The following GLT1D1 variants were observed in gnomAD, a reference collection of about 807,000 sequenced individuals.
The protein encoded by GLT1D1 is glycosyltransferase 1 domain-containing protein 1.
In GLT1D1, 21 loss-of-function variants were observed where a neutral mutation model predicts 28.7. The observed-to-expected ratio is 0.73, with a 90% CI of 0.52 to 1.05. The LOEUF is 1.05. GLT1D1 is among the 50% of genes least tolerant of loss of function. The pLI is 0.00. For missense variants in GLT1D1, 343 were observed against 330.6 expected (o/e 1.04, Z -0.29); for synonymous variants, 147 against 124.8 (o/e 1.18, Z -1.19).
At chr12:128,896,092 G>T (rs576322658) in intron 3 of GLT1D1, among the ~76,000 whole-genome samples, 13 of 152,268 alleles carry the variant, frequency 8.5e-5, no homozygotes, top group African/African-American at 2.9e-4. Context: ...GCAGTCAGGG[G>T]AGCTGCCTGG....
chr12:128,893,489 G>A (rs181914049), intron 3 of GLT1D1, among the ~76,000 whole-genome samples: 9 of 152,194 alleles, frequency 5.9e-5, no homozygotes, highest in Non-Finnish European at 1.2e-4. Context: ...ATGTGAAAGT[G>A]AGTAAATCTA....
chr12:128,930,639 G>A (rs572226665), intron 4 of GLT1D1, among the ~76,000 whole-genome samples: 1 of 152,126 alleles, frequency 6.6e-6, no homozygotes, highest in Non-Finnish European at 1.5e-5. Flanking sequence ...TCATCTGGTC[G>A]CAATGTCTGG....
chr12:128,955,335 G>A (rs1308105493), intron 6 of GLT1D1, among the ~76,000 whole-genome samples: 3 of 151,780 alleles, frequency 2.0e-5, no homozygotes, highest in African/African-American at 7.3e-5. Flanking sequence ...CTTTTCTTTT[G>A]CCAAATCATC....
intron 3 of GLT1D1, among the ~76,000 whole-genome samples, chr12:128,897,529 A>G (rs181936577): frequency 6.6e-6 from 1 of 151,852 alleles, no homozygotes; most frequent in African/African-American, 2.4e-5. Flanking sequence ...TTGTTCTCTT[A>G]TATCATTCCA....
chr12:128,877,995 G>A (rs1956914404), intron 2 of GLT1D1, among the ~76,000 whole-genome samples: 1 of 152,194 alleles, frequency 6.6e-6, no homozygotes, highest in Admixed American at 6.5e-5. Context: ...CTCACGATGT[G>A]ATGGCCAGCT....
intron 6 of GLT1D1, among the ~76,000 whole-genome samples, chr12:128,954,468 G>A (rs1877070791): frequency 6.6e-6 from 1 of 152,026 alleles, no homozygotes; most frequent in South Asian, 2.1e-4. Context: ...GCTTTATCTC[G>A]AGGTCTGGTT....
chr12:128,877,557 T>C (rs775785854), intron 2 of GLT1D1, among the ~76,000 whole-genome samples: 3 of 152,164 alleles, frequency 2.0e-5, no homozygotes, highest in Non-Finnish European at 2.9e-5. Flanking sequence ...TTTCAGGTAA[T>C]ACATGAAAAA....
intron 1 of GLT1D1, among the ~76,000 whole-genome samples, chr12:128,875,591 G>A (rs896188568): frequency 1.3e-5 from 2 of 152,188 alleles, no homozygotes; most frequent in Admixed American, 6.5e-5. Flanking sequence ...GAGGTCAAGA[G>A]TTTGAGACCA....
At chr12:128,946,999 T>C (rs1337494985) in intron 5 of GLT1D1, among the ~76,000 whole-genome samples, 1 of 152,182 alleles carries the variant, frequency 6.6e-6, no homozygotes, top group African/African-American at 2.4e-5. Flanking sequence ...TAAAGAATTA[T>C]TTGAAAAAAA....
chr12:128,858,175 G>A (rs1403263553), intron 1 of GLT1D1, among the ~76,000 whole-genome samples: 2 of 152,110 alleles, frequency 1.3e-5, no homozygotes, highest in African/African-American at 4.8e-5. Context: ...AGGGGTCTGG[G>A]AGTCATGCCC....
chr12:128,932,542 G>A (rs1874037567), intron 4 of GLT1D1, among the ~76,000 whole-genome samples: 1 of 152,264 alleles, frequency 6.6e-6, no homozygotes, highest in African/African-American at 2.4e-5. Context: ...CTTTCACGAG[G>A]CACTTTGCTG....
In GLT1D1 at chr12:128,899,180, G is replaced by C. The variant is rs1869963038; in HGVS notation, c.324-56G>C. ...ATTTGTTCCAAAGAGCTGTTTCATAGTTCTTTTAATTGAATTCTGGCCTAA... is the reference window on the plus strand; with the variant it reads ...ATTTGTTCCAAAGAGCTGTTTCATACTTCTTTTAATTGAATTCTGGCCTAA... On this transcript the variant is annotated intron_variant, in intron 3 of 7. Transcript: ENST00000281703. The C allele has an allele frequency of 6.8e-5, 90 of 1,317,346 alleles. 1 individual carries two copies. The South Asian group carries it at 9.1e-4, about 13-fold the overall frequency. 81.6% of individuals were successfully genotyped at this position (1,317,346 alleles called of 1,614,324 possible). A position where few individuals can be genotyped will look rare whatever the true frequency, so the allele number is the denominator to read the frequency against.
chr12:128,930,702 T>C (rs1873767831), intron 4 of GLT1D1, among the ~76,000 whole-genome samples: 1 of 152,122 alleles, frequency 6.6e-6, no homozygotes, highest in African/African-American at 2.4e-5. Flanking sequence ...GGCACACAGA[T>C]AGCACTAGGT....
At chr12:128,867,287 C>G (rs1956557715) in intron 1 of GLT1D1, among the ~76,000 whole-genome samples, 1 of 150,836 alleles carries the variant, frequency 6.6e-6, no homozygotes, top group Non-Finnish European at 1.5e-5. Flanking sequence ...CAGGCATGTA[C>G]TCGGGAGGCT....
intron 4 of GLT1D1, among the ~76,000 whole-genome samples, chr12:128,932,777 C>T (rs948602016): frequency 2.0e-5 from 3 of 151,614 alleles, no homozygotes; most frequent in Non-Finnish European, 4.4e-5. Context: ...AGGCTCTGGG[C>T]ACGACCCTGG....
intron 4 of GLT1D1, among the ~76,000 whole-genome samples, chr12:128,907,969 C>T (rs954402890): frequency 1.3e-5 from 2 of 152,332 alleles, no homozygotes; most frequent in Admixed American, 1.3e-4. Flanking sequence ...AAACAAAAAT[C>T]TTCTCTGGAA....
chr12:128,950,156 G>A lies in GLT1D1; in HGVS notation c.540+2698G>A, dbSNP rs182117586. On this transcript the variant is annotated intron_variant, in intron 6 of 7. Transcript: ENST00000281703. ...AGGGCCTTTTGAGTTTTCATCATTAGGAAGATGCTACTGGCATGTATTTGG... is the reference window on the plus strand; with the variant it reads ...AGGGCCTTTTGAGTTTTCATCATTAAGAAGATGCTACTGGCATGTATTTGG... Among the ~76,000 whole-genome samples the A allele has an allele frequency of 1.5e-3, 223 of 152,288 alleles. 3 individuals are homozygous for A. The highest frequency in any genetic ancestry group is 6.0e-3 in the South Asian group (29 of 4,822).
chr12:128,902,486 C>A (rs1369047520), intron 4 of GLT1D1, among the ~76,000 whole-genome samples: 86 of 131,250 alleles, frequency 6.6e-4, no homozygotes, highest in South Asian at 1.2e-3. Flanking sequence ...AATTCTGTCT[C>A]AAAAAAAAAA....
chr12:128,938,920 G>C (rs1874833430), intron 4 of GLT1D1, among the ~76,000 whole-genome samples: 1 of 152,160 alleles, frequency 6.6e-6, no homozygotes, highest in Non-Finnish European at 1.5e-5. Context: ...TTTTGTTGAA[G>C]ACTTTGCTGT....
Sources: gnomAD v4.1 joint callset for allele counts (sites outside exome capture counted in the v4.1 genomes callset) on GRCh38, gnomAD v4.1.1 for gene constraint, MANE v1.5 for transcripts, NCBI Gene and HGNC (gene_info 2026-07-23, HGNC 2026-07-21) for gene names.